PARD3: variants seen among roughly 807,000 people sequenced by gnomAD.
PARD3 encodes partitioning defective 3 homolog.
Under a neutral mutation model 155.4 loss-of-function variants are expected in PARD3, and 75 were observed. The observed-to-expected ratio is 0.48, with a 90% CI of 0.40 to 0.58. The LOEUF is 0.58. Ranked by LOEUF, PARD3 falls within the 20% of genes least tolerant of loss-of-function variation. The pLI, the probability that PARD3 is intolerant of heterozygous loss-of-function variation, is 0.00. For missense variants in PARD3, 1,642 were observed against 1,721.7 expected (o/e 0.95, Z 0.82); for synonymous variants, 576 against 610.5 (o/e 0.94, Z 0.83).
At chr10:34,525,619 C>T (rs1032073465) in intron 2 of PARD3, among the ~76,000 whole-genome samples, 1 of 152,012 alleles carries the variant, frequency 6.6e-6, no homozygotes, top group African/African-American at 2.4e-5. Flanking sequence ...CATATGTTTA[C>T]GTGTATCCAG....
intron 24 of PARD3, 119 bp downstream of exon 24, chr10:34,119,494 T>A (rs1043263962): frequency 4.9e-6 from 5 of 1,017,478 alleles, no homozygotes; most frequent in Non-Finnish European, 6.8e-6. Context: ...TTGGTTCCTC[T>A]GTTGCTACCA....
intron 1 of PARD3, among the ~76,000 whole-genome samples, chr10:34,751,605 CCTTT>C (rs1463890024): frequency 1.4e-4 from 22 of 152,044 alleles, no homozygotes; most frequent in Admixed American, 5.3e-4. Flanking sequence ...CCCAATTAAA[CCTTT>C]CTCTCTTTTT....
chr10:34,387,839 A>G (rs1053175233), intron 7 of PARD3, among the ~76,000 whole-genome samples: 1 of 152,202 alleles, frequency 6.6e-6, no homozygotes, highest in Admixed American at 6.5e-5. Flanking sequence ...CTAATAATCC[A>G]AAGTAGAAAA....
At chr10:34,731,155 T>C (rs78338602) in intron 1 of PARD3, among the ~76,000 whole-genome samples, 1,848 of 152,330 alleles carry the variant, frequency 0.012, 24 homozygotes, top group South Asian at 0.05. Flanking sequence ...TTTATAATGA[T>C]CTTCCAAATC....
At chr10:34,534,234 C>G (rs1648023647) in intron 2 of PARD3, among the ~76,000 whole-genome samples, 1 of 151,422 alleles carries the variant, frequency 6.6e-6, no homozygotes, top group African/African-American at 2.4e-5. Flanking sequence ...CCACTGCACT[C>G]CAGCCTGGGT....
intron 20 of PARD3, among the ~76,000 whole-genome samples, chr10:34,297,628 C>T (rs117869744): frequency 1.5e-3 from 228 of 152,274 alleles, no homozygotes; most frequent in Middle Eastern, 3.4e-3. Context: ...CATTTGTGGT[C>T]TGTTGTGGGT....
intron 22 of PARD3, among the ~76,000 whole-genome samples, chr10:34,229,524 C>T (rs1400124806): frequency 1.3e-5 from 2 of 152,080 alleles, no homozygotes; most frequent in Non-Finnish European, 2.9e-5. Context: ...GCTAGGATTA[C>T]AGGTGTGAGC....
intron 2 of PARD3, among the ~76,000 whole-genome samples, chr10:34,544,927 AC>A (rs1208774066): frequency 2.0e-5 from 3 of 152,146 alleles, no homozygotes; most frequent in African/African-American, 4.8e-5. Context: ...CCCACCACTA[AC>A]CACTACTACA....
chr10:34,115,704 AT>A (rs144756757), intron 24 of PARD3, among the ~76,000 whole-genome samples: 31,121 of 145,322 alleles, frequency 0.21, 3,366 homozygotes, highest in Middle Eastern at 0.27. Context: ...TCAATTTATA[AT>A]TTTTTTCTTT....
intron 3 of PARD3, among the ~76,000 whole-genome samples, chr10:34,496,491 A>C (rs2080297189): frequency 6.6e-6 from 1 of 152,224 alleles, no homozygotes; most frequent in Admixed American, 6.5e-5. Flanking sequence ...GGAACCATAC[A>C]ACAATGCCTG....
chr10:34,396,553 C>T (rs1008871810), intron 7 of PARD3, among the ~76,000 whole-genome samples: 1 of 152,042 alleles, frequency 6.6e-6, no homozygotes, highest in African/African-American at 2.4e-5. Context: ...CTGCATTATT[C>T]GTTAGATGCT....
In PARD3 at chr10:34,443,856, A is replaced by C. The variant is rs191434152; in HGVS notation, c.714+6461T>G. ...GACAAAGGTATATAAAATAAAAAGG[A>C]AAAAAGGTATCATCATTGCTCCCAA... On this transcript the variant is annotated intron_variant, in intron 5 of 24. Transcript: ENST00000374788. Among the ~76,000 whole-genome samples, 4 of 152,330 alleles carry C rather than the reference A, an allele frequency of 2.6e-5. No homozygotes were observed. The South Asian group carries it at 8.3e-4, about 32-fold the overall frequency.
At chr10:34,650,570 T>C (rs1186217852) in intron 2 of PARD3, among the ~76,000 whole-genome samples, 1 of 152,138 alleles carries the variant, frequency 6.6e-6, no homozygotes, top group Admixed American at 6.5e-5. Context: ...GCTTCAATGA[T>C]TACAGAAAGC....
At chr10:34,742,186 C>T (rs1420486979) in intron 1 of PARD3, among the ~76,000 whole-genome samples, 1 of 152,100 alleles carries the variant, frequency 6.6e-6, no homozygotes, top group Non-Finnish European at 1.5e-5. Context: ...AATTACTTGC[C>T]TTTGATAACT....
chr10:34,268,853 G>A (rs1386377499), intron 22 of PARD3, among the ~76,000 whole-genome samples: 2 of 152,086 alleles, frequency 1.3e-5, no homozygotes, highest in South Asian at 2.1e-4. Context: ...GGTGCAGCAC[G>A]CCAACATGGC....
intron 2 of PARD3, among the ~76,000 whole-genome samples, chr10:34,565,259 G>C (rs1462069004): frequency 2.3e-5 from 2 of 87,664 alleles, no homozygotes; most frequent in African/African-American, 1.0e-4. Context: ...AAGGAGCAAG[G>C]CTTTTTTTTT....
At chr10:34,279,141 C>CTTTTTTTTTTTT (rs143467605) in intron 21 of PARD3, among the ~76,000 whole-genome samples, 1 of 102,048 alleles carries the variant, frequency 9.8e-6, no homozygotes, top group African/African-American at 4.1e-5. Flanking sequence ...ATATTTTTTC[C>CTTTTTTTTTTTT]TTTTTTTTTT....
At chr10:34,432,345 C>T (rs1364810238) in intron 5 of PARD3, among the ~76,000 whole-genome samples, 7 of 87,110 alleles carry the variant, frequency 8.0e-5, no homozygotes, top group South Asian at 2.7e-4. Flanking sequence ...CATACACACA[C>T]ACACACACAC....
chr10:34,501,167 T>C (rs963557553), intron 3 of PARD3, among the ~76,000 whole-genome samples: 1 of 152,134 alleles, frequency 6.6e-6, no homozygotes, highest in African/African-American at 2.4e-5. Context: ...CCTGCCCAAA[T>C]TTCATGTTGA....
Sources: gnomAD v4.1 joint callset for allele counts (sites outside exome capture counted in the v4.1 genomes callset) on GRCh38, gnomAD v4.1.1 for gene constraint, MANE v1.5 for transcripts, NCBI Gene and HGNC (gene_info 2026-07-23, HGNC 2026-07-21) for gene names.